Variants in KPNA3 observed in about 807,000 individuals in gnomAD.
KPNA3 encodes the protein karyopherin subunit alpha 3.
In KPNA3, 13 loss-of-function variants were observed where a neutral mutation model predicts 73.8. The ratio of observed to expected loss-of-function variants is 0.18; its 90% CI spans 0.11 to 0.28. The LOEUF (loss-of-function observed/expected upper bound fraction) is 0.28, where lower values mean the gene tolerates loss of function less well. Ranked by LOEUF, KPNA3 falls within the 10% of genes least tolerant of loss-of-function variation. The pLI is 1.00. For synonymous variants in KPNA3, 186 were observed against 206.9 expected (o/e 0.90, Z 0.87); for missense variants, 360 against 618.1 (o/e 0.58, Z 4.43).
intron 10 of KPNA3, among the ~76,000 whole-genome samples, chr13:49,713,254 T>C (rs552185834): frequency 6.6e-6 from 1 of 152,088 alleles, no homozygotes; most frequent in African/African-American, 2.4e-5. Context: ...TAAACATCTA[T>C]TAACCAAATA....
At chr13:49,758,757 C>CAT (rs1170982117) in intron 1 of KPNA3, among the ~76,000 whole-genome samples, 1 of 151,672 alleles carries the variant, frequency 6.6e-6, no homozygotes, top group Non-Finnish European at 1.5e-5. Flanking sequence ...TAAATATACA[C>CAT]ACACACATAT....
At chr13:49,780,719 CTTT>C (rs11352434) in intron 1 of KPNA3, among the ~76,000 whole-genome samples, 38 of 130,424 alleles carry the variant, frequency 2.9e-4, no homozygotes, top group Non-Finnish European at 3.2e-4. Context: ...AAAAATATTT[CTTT>C]TTTTTTTTTT....
intron 10 of KPNA3, among the ~76,000 whole-genome samples, chr13:49,715,081 G>A (rs1342146546): frequency 6.6e-6 from 1 of 151,814 alleles, no homozygotes; most frequent in African/African-American, 2.4e-5. Context: ...CATTTTTTCA[G>A]TGTCCTTGAT....
rs1037412151 is a variant in KPNA3 at position 49,700,977 on chromosome 13, A to T, written c.*823T>A. The T allele has an allele frequency of 6.6e-6, 1 of 152,642 alleles. No individual in the cohort carries two copies. The highest frequency in any genetic ancestry group is 2.4e-5 in the African/African-American group (1 of 41,458). 9.5% of individuals were successfully genotyped at this position (152,642 alleles called of 1,614,324 possible). A position where few individuals can be genotyped will look rare whatever the true frequency, so the allele number is the denominator to read the frequency against. On this transcript the variant is annotated 3_prime_UTR_variant, in exon 17 of 17. Transcript: ENST00000261667. ...TGCTTTCAACTTAAACAGAAGTTCA[A>T]GTCCATAACAGGTTGCAGCTCAGGT...
intron 1 of KPNA3, among the ~76,000 whole-genome samples, chr13:49,775,162 CAAAAAAAAAAA>C (rs60494803): frequency 1.1e-5 from 1 of 93,062 alleles, no homozygotes; most frequent in African/African-American, 4.9e-5. Flanking sequence ...GACTCTGTCT[CAAAAAAAAAAA>C]AAAAAAAAAA....
chr13:49,740,282 T>C (rs576990940), intron 2 of KPNA3, among the ~76,000 whole-genome samples: 1 of 152,202 alleles, frequency 6.6e-6, no homozygotes, highest in South Asian at 2.1e-4. Flanking sequence ...TGCATTACCT[T>C]ACATTTCATT....
intron 2 of KPNA3, among the ~76,000 whole-genome samples, chr13:49,734,692 G>A (rs1954502897): frequency 6.6e-6 from 1 of 152,064 alleles, no homozygotes; most frequent in Admixed American, 6.6e-5. Context: ...TGTTACCTCA[G>A]CGCAGAGTTT....
intron 12 of KPNA3, 23 bp from the exon 13 acceptor site, chr13:49,706,395 G>C: frequency 6.7e-7 from 1 of 1,489,888 alleles, no homozygotes; most frequent in Non-Finnish European, 9.3e-7. Flanking sequence ...AAAATATAGG[G>C]CACCTTTATT....
At chr13:49,751,340 A>G (rs531000152) in intron 1 of KPNA3, among the ~76,000 whole-genome samples, 14 of 152,278 alleles carry the variant, frequency 9.2e-5, no homozygotes, top group Non-Finnish European at 1.9e-4. Context: ...CAAACAAGTC[A>G]ACCAGAACAG....
At chr13:49,702,560 G>A (rs1025594090) in intron 15 of KPNA3, 80 bp from the exon 16 acceptor site, 4 of 713,424 alleles carry the variant, frequency 5.6e-6, no homozygotes, top group African/African-American at 3.7e-5. Flanking sequence ...TTTAATCATG[G>A]AGAAATCCTA....
chr13:49,712,688 G>A (rs1954270583), intron 10 of KPNA3, among the ~76,000 whole-genome samples: 1 of 151,974 alleles, frequency 6.6e-6, no homozygotes, highest in African/African-American at 2.4e-5. Flanking sequence ...GAGGCAAGAA[G>A]AGAAAATAGA....
At chr13:49,733,416 GTAGC>G (rs1260859550) in intron 2 of KPNA3, among the ~76,000 whole-genome samples, 2 of 150,994 alleles carry the variant, frequency 1.3e-5, no homozygotes, top group Non-Finnish European at 2.9e-5. Flanking sequence ...AAACTCCTGA[GTAGC>G]TGGGATTACA....
intron 10 of KPNA3, among the ~76,000 whole-genome samples, chr13:49,719,453 CAGTG>C (rs1954334639): frequency 6.6e-6 from 1 of 152,026 alleles, no homozygotes; most frequent in Non-Finnish European, 1.5e-5. Flanking sequence ...TTGTAAGAAC[CAGTG>C]AGATTTTTTT....
rs1160916728 is a variant in KPNA3, at chr13:49,722,087, C to T, written c.594G>A (p.Leu198=). 1.2e-6 allele frequency: 2 copies of T among 1,606,876 alleles called. No homozygotes were observed. Among genetic ancestry groups the T allele is most frequent in the Non-Finnish European group, 1.7e-6 (2 of 1,176,726 alleles). ...GPQCRDYVIS[L]GVVKPLLSFI... ...AGGACAGAAGAGGTTTGACAACTCCCAGTGATATGACATAATCTCTACATT... is the reference window on the plus strand; with the variant it reads ...AGGACAGAAGAGGTTTGACAACTCCTAGTGATATGACATAATCTCTACATT... The change falls in exon 9 of 17, where the codon CTG becomes CTA. Residue 198 remains leucine (L), a synonymous_variant. Coordinates refer to ENST00000261667, the MANE Select transcript of KPNA3 (RefSeq NM_002267.4).
At chr13:49,705,312 T>C (rs1439784500) in intron 15 of KPNA3, among the ~76,000 whole-genome samples, 2 of 151,124 alleles carry the variant, frequency 1.3e-5, no homozygotes, top group East Asian at 1.9e-4. Context: ...TGAGCTGAGA[T>C]TGTGCCACTG....
chr13:49,714,885 C>A (rs1954291527), intron 10 of KPNA3, among the ~76,000 whole-genome samples: 1 of 151,872 alleles, frequency 6.6e-6, no homozygotes. Context: ...ATGTAAAAAT[C>A]TGAAATAAAA....
At position 49,728,882 on chromosome 13, in the gene KPNA3, T is replaced by G. The variant is rs75023846; in HGVS notation, c.384-3381A>C. ...TTGCAAGAGAATCAATAGGAAATCA[T>G]TAGGTATCCACCTTACAGTTCTGAT... On this transcript the variant is annotated intron_variant, in intron 6 of 16. Coordinates refer to ENST00000261667, the MANE Select transcript of KPNA3 (RefSeq NM_002267.4). Among the ~76,000 whole-genome samples the G allele has an allele frequency of 7.0e-3, 1,060 of 152,332 alleles. 75 individuals carry two copies. In the East Asian group the frequency reaches 0.17, roughly 24 times the overall value.
chr13:49,711,778 T>C (rs548208852), intron 10 of KPNA3, among the ~76,000 whole-genome samples: 1 of 152,292 alleles, frequency 6.6e-6, no homozygotes, highest in African/African-American at 2.4e-5. Flanking sequence ...GTCATCCAAA[T>C]TGAAGACATC....
chr13:49,761,104 G>A (rs1954755178), intron 1 of KPNA3, among the ~76,000 whole-genome samples: 1 of 152,116 alleles, frequency 6.6e-6, no homozygotes, highest in Non-Finnish European at 1.5e-5. Flanking sequence ...TACTTTGGGA[G>A]GTCACCTGTT....
Sources: allele counts gnomAD v4.1 joint callset (sites outside exome capture counted in the v4.1 genomes callset), GRCh38; gene constraint gnomAD v4.1.1; transcripts MANE v1.5; gene names NCBI Gene and HGNC (gene_info 2026-07-23, HGNC 2026-07-21).